HOXA11: variants seen among roughly 807,000 people sequenced by gnomAD.
HOXA11 encodes homeobox A11.
Under a neutral mutation model 22.5 loss-of-function variants are expected in HOXA11, and 8 were observed. The ratio of observed to expected loss-of-function variants is 0.36; its 90% CI spans 0.21 to 0.64. The LOEUF (loss-of-function observed/expected upper bound fraction) is 0.64. Ranked by LOEUF, HOXA11 falls within the 30% of genes least tolerant of loss-of-function variation. The pLI, the probability that HOXA11 is intolerant of heterozygous loss-of-function variation, is 0.67. For synonymous variants in HOXA11, 211 were observed against 188.4 expected, an observed-to-expected ratio of 1.12 and a Z score of -0.98; for missense variants, 388 against 429.0, an observed-to-expected ratio of 0.90 and a Z score of 0.84.
chr7:27,182,469 C>A lies in HOXA11; in HGVS notation c.*327G>T. ...AGGGAGGGTGTGGTGGGGTTAGTCT[C>A]CAGGGGGTCTGGCAGGGGCCCAATC... On this transcript the variant is annotated 3_prime_UTR_variant, in exon 2 of 2. Coordinates refer to ENST00000006015, the MANE Select transcript of HOXA11 (RefSeq NM_005523.6). The A allele has an allele frequency of 2.2e-6, 1 of 463,772 alleles. No homozygotes were observed. The highest frequency in any genetic ancestry group is 4.0e-6 in the Non-Finnish European group (1 of 251,504). The allele number at this position is 463,772 out of a possible 1,614,324, so 28.7% of individuals were successfully genotyped here. A position where few individuals can be genotyped will look rare whatever the true frequency, so the allele number is the denominator to read the frequency against.
chr7:27,184,342 G>T, intron 1 of HOXA11, 94 bp downstream of exon 1: 2 of 1,262,812 alleles, frequency 1.6e-6, no homozygotes, highest in Non-Finnish European at 1.1e-6. Flanking sequence ...AACCTTATAT[G>T]CTTATAAAAC....
rs377744532 is a variant in HOXA11, at chr7:27,182,747, A to T, written c.*49T>A. On this transcript the variant is annotated 3_prime_UTR_variant, in exon 2 of 2. Transcript: ENST00000006015. Reference sequence around the variant, plus strand: ...ACTTTGTCAAGGGCAAAATCTGCATATTATCTCATGTGTATGAAGCCCCCC... The same window carrying T: ...ACTTTGTCAAGGGCAAAATCTGCATTTTATCTCATGTGTATGAAGCCCCCC... 30 of 1,179,254 alleles carry T rather than the reference A, an allele frequency of 2.5e-5. No individual in the cohort carries two copies. Among genetic ancestry groups the T allele is most frequent in the Non-Finnish European group, 3.7e-5 (29 of 784,016 alleles). 73.0% of individuals were successfully genotyped at this position (1,179,254 alleles called of 1,614,324 possible).
At chr7:27,183,057 G>A (rs891453900) in intron 1 of HOXA11, 29 bp from the exon 2 acceptor site, 9 of 1,490,460 alleles carry the variant, frequency 6.0e-6, no homozygotes, top group Non-Finnish European at 8.4e-6. Flanking sequence ...CATGGGGTGA[G>A]CCAGGTGTGG....
Position 27,182,764 on chromosome 7 carries a change from A to G in HOXA11, c.*32T>C. On this transcript the variant is annotated 3_prime_UTR_variant, in exon 2 of 2. Transcript: ENST00000006015. ...ATCTGCATATTATCTCATGTGTATG[A>G]AGCCCCCCACCCAATTCCAGCCGCT... 1 of 1,329,408 alleles carries G rather than the reference A, an allele frequency of 7.5e-7. No individual in the cohort carries two copies. Among genetic ancestry groups the G allele is most frequent in the Non-Finnish European group, 1.1e-6 (1 of 921,086 alleles). 82.4% of individuals were successfully genotyped at this position (1,329,408 alleles called of 1,614,324 possible).
chr7:27,181,897 C>T lies in HOXA11; in HGVS notation c.*899G>A, dbSNP rs1783774042. 4.5e-6 allele frequency: 1 copy of T among 223,712 alleles called. No homozygotes were observed. The allele number at this position is 223,712 out of a possible 1,614,324, so 13.9% of individuals were successfully genotyped here. A position where few individuals can be genotyped will look rare whatever the true frequency, so the allele number is the denominator to read the frequency against. ...GCTGGGGACCTGCTGGCCAGGCCCACTGCTCTGCAGCCAGACACTGAGCAA... is the reference window on the plus strand; with the variant it reads ...GCTGGGGACCTGCTGGCCAGGCCCATTGCTCTGCAGCCAGACACTGAGCAA... On this transcript the variant is annotated 3_prime_UTR_variant, in exon 2 of 2. Transcript: ENST00000006015.
At position 27,182,519 on chromosome 7, in the gene HOXA11, G is replaced by T. The variant is rs1020614648; in HGVS notation, c.*277C>A. The T allele has an allele frequency of 2.0e-6, 1 of 504,952 alleles. No individual in the cohort carries two copies. The highest frequency in any genetic ancestry group is 2.1e-5 in the South Asian group (1 of 48,668). The allele number at this position is 504,952 out of a possible 1,614,324, so 31.3% of individuals were successfully genotyped here. The stretch of plus-strand genomic sequence containing the variant: ...CCCCAGTGGAGACCACACCCAGCCC[G>T]CAGCTCTGCAGGCTCCAAGAGTGAA... On this transcript the variant is annotated 3_prime_UTR_variant, in exon 2 of 2. Coordinates refer to ENST00000006015, the MANE Select transcript of HOXA11 (RefSeq NM_005523.6).
Position 27,181,705 on chromosome 7 carries a change from AAT to A in HOXA11, c.*1089_*1090del, listed in dbSNP as rs374538002. The A allele has an allele frequency of 2.4e-3, 405 of 170,290 alleles. No homozygotes were observed. Among genetic ancestry groups the A allele is most frequent in the East Asian group, 0.01 (94 of 9,302 alleles). The allele number at this position is 170,290 out of a possible 1,614,324, so 10.5% of individuals were successfully genotyped here. ...AAATTCGCTTTGGTTCCTTCAGGGA[AAT>A]ATATATATATATAATATAATATTTA... On this transcript the variant is annotated 3_prime_UTR_variant, in exon 2 of 2. Coordinates refer to ENST00000006015, the MANE Select transcript of HOXA11 (RefSeq NM_005523.6).
At position 27,182,948 on chromosome 7, in the gene HOXA11, C is replaced by T; in HGVS notation, c.790G>A (p.Val264Ile). 1 of 1,614,068 alleles carries T rather than the reference C, an allele frequency of 6.2e-7. No individual in the cohort carries two copies. Among genetic ancestry groups the T allele is most frequent in the Non-Finnish European group, 8.5e-7 (1 of 1,179,978 alleles). Residue 264 changes from valine (V) to isoleucine (I), a missense_variant, in exon 2 of 2, where the codon GTC becomes ATC. Coordinates refer to ENST00000006015, the MANE Select transcript of HOXA11 (RefSeq NM_005523.6). ...AGGCGCTTCTCTTTGTTAATGTAGA[C>T]GCTGAAGAAGAACTCCCGTTCCAGC... ...RELEREFFFSVYINKEKRLQL... is the reference protein window; with the variant it reads ...RELEREFFFSIYINKEKRLQL...
rs991270582 is a variant in HOXA11 at position 27,184,550 on chromosome 7, C to A, written c.595G>T (p.Gly199Cys). 22 of 1,381,750 alleles carry A rather than the reference C, an allele frequency of 1.6e-5. No individual in the cohort carries two copies. The Middle Eastern group carries it at 1.2e-3, about 74-fold the overall frequency. The allele number at this position is 1,381,750 out of a possible 1,614,324, so 85.6% of individuals were successfully genotyped here. A position where few individuals can be genotyped will look rare whatever the true frequency, so the allele number is the denominator to read the frequency against. ...GCTGCCGCCGCCGTCTCCCGGCAGCCGCCGCCGCCGCCGCTGTCCGAACTT... is the reference window on the plus strand; with the variant it reads ...GCTGCCGCCGCCGTCTCCCGGCAGCAGCCGCCGCCGCCGCTGTCCGAACTT... ...TSSSDSGGGG[G>C]CRETAAAAEE... The change falls in exon 1 of 2, where the codon GGC becomes TGC. Residue 199 changes from glycine (G) to cysteine (C), a missense_variant. Physicochemically the swap from Gly to Cys is radical, Grantham distance 159. Around this residue, in one of 4 missense-constraint regions of HOXA11, gnomAD observed 295 missense variants for 281.1 expected, o/e 1.05. Transcript: ENST00000006015.
chr7:27,182,414 G>T lies in HOXA11; in HGVS notation c.*382C>A. The T allele has an allele frequency of 2.4e-6, 1 of 410,664 alleles. No homozygotes were observed. Among genetic ancestry groups the T allele is most frequent in the South Asian group, 2.6e-5 (1 of 37,882 alleles). 25.4% of individuals were successfully genotyped at this position (410,664 alleles called of 1,614,324 possible). The stretch of plus-strand genomic sequence containing the variant: ...GAGAGCACACAGCTTTTTTACTCAG[G>T]GGTCCTGGGGGTGGGTAGGCTCCCA... On this transcript the variant is annotated 3_prime_UTR_variant, in exon 2 of 2. Coordinates refer to ENST00000006015, the MANE Select transcript of HOXA11 (RefSeq NM_005523.6).
rs1382965493 is a variant in HOXA11 at position 27,184,581 on chromosome 7, T to C, written c.564A>G (p.Ala188=). 1 of 1,498,200 alleles carries C rather than the reference T, an allele frequency of 6.7e-7. No individual in the cohort carries two copies. The highest frequency in any genetic ancestry group is 8.9e-7 in the Non-Finnish European group (1 of 1,121,926). 92.8% of individuals were successfully genotyped at this position (1,498,200 alleles called of 1,614,324 possible). A position where few individuals can be genotyped will look rare whatever the true frequency, so the allele number is the denominator to read the frequency against. Residue 188 remains alanine (A), a synonymous_variant, in exon 1 of 2, where the codon GCA becomes GCG. Coordinates refer to ENST00000006015, the MANE Select transcript of HOXA11 (RefSeq NM_005523.6). ...AAAAAATGAP[A]TSSSDSGGGG... ...CGCCGCCGCTGTCCGAACTTGAAGT[T>C]GCCGGCGCGCCCGTTGCAGCCGCCG... is the stretch of plus-strand genomic sequence containing the variant.
rs1337279661 is a variant in HOXA11 at position 27,181,506 on chromosome 7, A to G, written c.*1290T>C. 5.1e-6 allele frequency: 1 copy of G among 196,204 alleles called. No homozygotes were observed. The allele number at this position is 196,204 out of a possible 1,614,324, so 12.2% of individuals were successfully genotyped here. On this transcript the variant is annotated 3_prime_UTR_variant, in exon 2 of 2. Coordinates refer to ENST00000006015, the MANE Select transcript of HOXA11 (RefSeq NM_005523.6). The stretch of plus-strand genomic sequence containing the variant: ...AGAAAAAAGAAAAAGAGAAAGAAAG[A>G]AAAGAAAATTGATTATGGTTCCTTT...
intron 1 of HOXA11, 129 bp downstream of exon 1, chr7:27,184,307 G>T: frequency 5.8e-6 from 5 of 859,824 alleles, no homozygotes; most frequent in Admixed American, 6.1e-5. Flanking sequence ...AAGTTTTGTT[G>T]GGGGAAACCT....
In HOXA11 at chr7:27,184,673, C is replaced by A. The variant is rs1783832083; in HGVS notation, c.472G>T (p.Asp158Tyr). The change falls in exon 1 of 2, where the codon GAC (aspartate) becomes TAC (tyrosine). Residue 158 changes from aspartate to tyrosine, a missense_variant. Coordinates refer to ENST00000006015, the MANE Select transcript of HOXA11 (RefSeq NM_005523.6). ...TCGGCGCTCTTGTCCCCGGGGTAGT[C>A]GGAGGAGGCGAGGTTTTCCGGGGTG... ...YGTPENLASS[D>Y]YPGDKSAEKG... is the part of the protein sequence containing the mutation. 2 of 1,612,552 alleles carry A rather than the reference C, an allele frequency of 1.2e-6. No individual in the cohort carries two copies. The highest frequency in any genetic ancestry group is 1.7e-6 in the Non-Finnish European group (2 of 1,179,754).
At position 27,184,441 on chromosome 7, in the gene HOXA11, C is replaced by A. The variant is rs1783823561; in HGVS notation, c.704G>T (p.Gly235Val). 1 of 1,575,742 alleles carries A rather than the reference C, an allele frequency of 6.3e-7. No homozygotes were observed. ...SSGHTEDKAG[G>V]SSGQRTRKKR... ...GGCGCTGCCTTTATACGTACTGGAGCCGCCGGCCTTGTCCTCAGTGTGGCC... is the reference window on the plus strand; with the variant it reads ...GGCGCTGCCTTTATACGTACTGGAGACGCCGGCCTTGTCCTCAGTGTGGCC... The change falls in exon 1 of 2, where the codon GGC (glycine) becomes GTC (valine). Residue 235 changes from glycine to valine, a missense_variant. Around this residue, in one of 4 missense-constraint regions of HOXA11, gnomAD observed 295 missense variants for 281.1 expected, o/e 1.05. Coordinates refer to ENST00000006015, the MANE Select transcript of HOXA11 (RefSeq NM_005523.6).
chr7:27,185,084 A>G lies in HOXA11; in HGVS notation c.61T>C (p.Tyr21His). Reference sequence around the variant, plus strand: ...CTGGAGAAATCTGGACCCGAGACGTAGTAAGTACAACTTGGCAAATACATG... The same window carrying G: ...CTGGAGAAATCTGGACCCGAGACGTGGTAAGTACAACTTGGCAAATACATG... ...SNMYLPSCTY[Y>H]VSGPDFSSLP... The change falls in exon 1 of 2, where the codon TAC becomes CAC. Residue 21 changes from tyrosine (Y) to histidine (H), a missense_variant. Physicochemically the swap from Tyr to His is moderately conservative, Grantham distance 83 (BLOSUM62 2). This residue lies in a region of HOXA11 where 26 missense variants were observed against 26.5 expected (regional missense o/e 0.98). Coordinates refer to ENST00000006015, the MANE Select transcript of HOXA11 (RefSeq NM_005523.6). The G allele has an allele frequency of 6.2e-7, 1 of 1,614,216 alleles. No individual in the cohort carries two copies. Among genetic ancestry groups the G allele is most frequent in the Non-Finnish European group, 8.5e-7 (1 of 1,180,022 alleles).
In HOXA11 at chr7:27,181,609, G is replaced by A. The variant is rs552380318; in HGVS notation, c.*1187C>T. On this transcript the variant is annotated 3_prime_UTR_variant, in exon 2 of 2. Coordinates refer to ENST00000006015, the MANE Select transcript of HOXA11 (RefSeq NM_005523.6). ...CTTAGCAGTGAGCGAGTTTAACCAC[G>A]GAACACTGTAAACAGATAGGGCCTT... is the stretch of plus-strand genomic sequence containing the variant. 41 of 187,294 alleles carry A rather than the reference G, an allele frequency of 2.2e-4. 1 individual carries two copies. The South Asian group carries it at 5.3e-3, about 24-fold the overall frequency. The allele number at this position is 187,294 out of a possible 1,614,324, so 11.6% of individuals were successfully genotyped here.
chr7:27,182,891 G>A lies in HOXA11; in HGVS notation c.847C>T (p.Arg283Cys). 6.2e-7 allele frequency: 1 copy of A among 1,613,904 alleles called. No individual in the cohort carries two copies. Among genetic ancestry groups the A allele is most frequent in the Middle Eastern group, 1.6e-4 (1 of 6,062 alleles). The change falls in exon 2 of 2, where the codon CGT becomes TGT. Residue 283 changes from arginine (R) to cysteine (C), a missense_variant. Arg to Cys is a radical substitution (Grantham distance 180). Coordinates refer to ENST00000006015, the MANE Select transcript of HOXA11 (RefSeq NM_005523.6). ...TTCTGAAACCAGATTTTGACTTGAC[G>A]ATCAGTGAGGTTGAGCATGCGGGAC... ...QLSRMLNLTDRQVKIWFQNRR... is the reference protein window; with the variant it reads ...QLSRMLNLTDCQVKIWFQNRR...
rs762951157 is a variant in HOXA11, at chr7:27,184,829, C to G, written c.316G>C (p.Val106Leu). 1.2e-5 allele frequency: 20 copies of G among 1,613,428 alleles called. No homozygotes were observed. The highest frequency in any genetic ancestry group is 1.6e-5 in the Non-Finnish European group (19 of 1,179,630). The change falls in exon 1 of 2, where the codon GTG (valine) becomes CTG (leucine). Residue 106 changes from valine to leucine, a missense_variant. This residue lies in a region of HOXA11 where 295 missense variants were observed against 281.1 expected (regional missense o/e 1.05). Transcript: ENST00000006015. ...APSAAGVPGD[V>L]LAKSSANVYH... ...ACGTTGGCCGAGCTCTTGGCCAGCA[C>G]GTCGCCAGGCACGCCGGCCGCGCTG...
Sources: allele counts gnomAD v4.1 joint callset, GRCh38; gene constraint gnomAD v4.1.1; regional missense constraint gnomAD v4.1.1; transcripts MANE v1.5; gene names NCBI Gene and HGNC (gene_info 2026-07-23, HGNC 2026-07-21).